Variants in CEP85 observed in about 807,000 individuals in gnomAD.
The protein encoded by CEP85 is centrosomal protein of 85 kDa.
A neutral mutation model predicts 93.7 loss-of-function variants in CEP85; 58 were observed. The observed-to-expected ratio is 0.62, with a 90% CI of 0.50 to 0.77. CEP85 has a LOEUF of 0.77. Among genes scored for constraint, CEP85 ranks in the 30% least tolerant of loss-of-function variants. The probability of loss-of-function intolerance (pLI) is 0.00; values close to 1 mark genes in which losing one functional copy is unlikely to be tolerated. For missense variants in CEP85, 868 were observed against 922.0 expected, an observed-to-expected ratio of 0.94 and a Z score of 0.76; for synonymous variants, 314 against 338.6, an observed-to-expected ratio of 0.93 and a Z score of 0.80.
chr1:26,237,880 A>G (rs1381326361), intron 1 of CEP85, among the ~76,000 whole-genome samples: 1 of 152,184 alleles, frequency 6.6e-6, no homozygotes, highest in Non-Finnish European at 1.5e-5. Flanking sequence ...GGAAATCACT[A>G]GTAAGGAGGT....
intron 3 of CEP85, among the ~76,000 whole-genome samples, chr1:26,253,321 T>TA (rs970566427): frequency 1.3e-5 from 2 of 152,106 alleles, no homozygotes; most frequent in African/African-American, 4.8e-5. Flanking sequence ...GTGGCTGTGT[T>TA]ACATTCCCCC....
At chr1:26,271,956 C>T in intron 10 of CEP85, 65 bp from the exon 11 acceptor site, 1 of 1,438,324 alleles carries the variant, frequency 7.0e-7, no homozygotes, top group Admixed American at 1.7e-5. Flanking sequence ...AGTGCAGCCC[C>T]CTTGCCCTCT....
At chr1:26,271,587 C>T (rs533866754) in intron 10 of CEP85, 1 of 176,630 alleles carries the variant, frequency 5.7e-6, no homozygotes, top group African/African-American at 2.4e-5. Context: ...TTTAGGGTCC[C>T]TTCTTGGATA....
rs1433936907 is a variant in CEP85 at position 26,268,593 on chromosome 1, T to C, written c.1452T>C (p.Ala484=). 6.2e-7 allele frequency: 1 copy of C among 1,613,754 alleles called. No individual in the cohort carries two copies. Among genetic ancestry groups the C allele is most frequent in the Non-Finnish European group, 8.5e-7 (1 of 1,179,818 alleles). The change falls in exon 8 of 14, where the codon GCT becomes GCC. Residue 484 remains alanine, a synonymous_variant. Coordinates refer to ENST00000451429, the MANE Select transcript of CEP85 (RefSeq NM_001319944.2). ...QRIETLERYL[A]DLPTLEDHQK... ...TTGAGACCTTGGAGCGCTACCTGGC[T>C]GACCTGCCCACACTGGAAGACCATC...
At chr1:26,249,206 T>G (rs1185111509) in intron 3 of CEP85, among the ~76,000 whole-genome samples, 2 of 151,952 alleles carry the variant, frequency 1.3e-5, no homozygotes, top group African/African-American at 2.4e-5. Flanking sequence ...CTCAGCCTTC[T>G]GAGTAGTTGG....
At chr1:26,268,309 T>G (rs929721782) in intron 7 of CEP85, among the ~76,000 whole-genome samples, 174 bp from the exon 8 acceptor site, 4 of 152,014 alleles carry the variant, frequency 2.6e-5, no homozygotes, top group African/African-American at 9.7e-5. Flanking sequence ...CATAGAAAAA[T>G]TAGCCTGCCG....
In CEP85 at chr1:26,243,277, T is replaced by C. The variant is rs149511858; in HGVS notation, c.56-889T>C. On this transcript the variant is annotated intron_variant, in intron 2 of 13. Coordinates refer to ENST00000451429, the MANE Select transcript of CEP85 (RefSeq NM_001319944.2). ...TGTTGCCCTAGGAATCATTTGGAAC[T>C]ATATGGTTATTTTCTGGTTTCACAG... Among the ~76,000 whole-genome samples the C allele has an allele frequency of 8.7e-3, 1,323 of 151,926 alleles. 9 individuals are homozygous for C. The highest frequency in any genetic ancestry group is 0.013 in the Non-Finnish European group (898 of 67,996).
At chr1:26,273,958 G>C (rs1006294094) in intron 11 of CEP85, among the ~76,000 whole-genome samples, 2 of 148,524 alleles carry the variant, frequency 1.3e-5, no homozygotes, top group Admixed American at 1.3e-4. Flanking sequence ...TGAATTTGTT[G>C]GAATTAGATG....
rs1276739995 is a variant in CEP85, at chr1:26,251,950, T to C, written c.209-3221T>C. 5.3e-5 allele frequency among the ~76,000 whole-genome samples: 8 copies of C among 152,024 alleles called. No homozygotes were observed. In the South Asian group the frequency reaches 1.2e-3, roughly 24 times the overall value. ...TGGAGGATTTAAAACATATTGCTTA[T>C]GGTTAAGCACGGTGGCTCATCCCTG... is the stretch of plus-strand genomic sequence containing the variant. On this transcript the variant is annotated intron_variant, in intron 3 of 13. Transcript: ENST00000451429.
At chr1:26,253,229 A>G (rs2089646433) in intron 3 of CEP85, among the ~76,000 whole-genome samples, 1 of 152,166 alleles carries the variant, frequency 6.6e-6, no homozygotes, top group Non-Finnish European at 1.5e-5. Flanking sequence ...TCGTTTGGAT[A>G]TATACCCAGA....
At chr1:26,274,689 T>C (rs1425714387) in intron 11 of CEP85, among the ~76,000 whole-genome samples, 1 of 152,076 alleles carries the variant, frequency 6.6e-6, no homozygotes, top group Non-Finnish European at 1.5e-5. Context: ...AGGCTGGCCA[T>C]GTGGAGGGTG....
Position 26,234,237 on chromosome 1 carries a change from C to G in CEP85, c.-96C>G, listed in dbSNP as rs1222322776. ...TTAGAGGAGCTGAGGGAGGGAACCA[C>G]CGCTCACCGCAGACGTGGTGGCTGC... On this transcript the variant is annotated 5_prime_UTR_variant, in exon 1 of 14. Coordinates refer to ENST00000451429, the MANE Select transcript of CEP85 (RefSeq NM_001319944.2). 6.6e-6 allele frequency: 1 copy of G among 152,272 alleles called. No individual in the cohort carries two copies. Among genetic ancestry groups the G allele is most frequent in the African/African-American group, 2.4e-5 (1 of 41,462 alleles). 9.4% of individuals were successfully genotyped at this position (152,272 alleles called of 1,614,324 possible). A position where few individuals can be genotyped will look rare whatever the true frequency, so the allele number is the denominator to read the frequency against.
rs577612086 is a variant in CEP85, at chr1:26,239,512, C to T, written c.-22-250C>T. On this transcript the variant is annotated intron_variant, in intron 1 of 13. Coordinates refer to ENST00000451429, the MANE Select transcript of CEP85 (RefSeq NM_001319944.2). Reference sequence around the variant, plus strand: ...GACTACAGATGTGTGCCACCATGCCCGGCCAATTTTTGTGTTTTTAGTAGA... The same window carrying T: ...GACTACAGATGTGTGCCACCATGCCTGGCCAATTTTTGTGTTTTTAGTAGA... Among the ~76,000 whole-genome samples, 11 of 151,710 alleles carry T rather than the reference C, an allele frequency of 7.3e-5. 1 individual carries two copies. Among genetic ancestry groups the T allele is most frequent in the South Asian group, 6.2e-4 (3 of 4,824 alleles).
At chr1:26,240,196 T>G (rs1294507225) in intron 2 of CEP85, among the ~76,000 whole-genome samples, 1 of 152,178 alleles carries the variant, frequency 6.6e-6, no homozygotes, top group Non-Finnish European at 1.5e-5. Context: ...CCCACAAAAA[T>G]AGGAATTCTG....
intron 7 of CEP85, among the ~76,000 whole-genome samples, chr1:26,268,244 G>A (rs1275442534): frequency 6.6e-6 from 1 of 152,214 alleles, no homozygotes; most frequent in Admixed American, 6.5e-5. Flanking sequence ...GATGGCTTGA[G>A]GCCAGGAATT....
At chr1:26,236,502 T>C (rs964923713) in intron 1 of CEP85, among the ~76,000 whole-genome samples, 1 of 152,176 alleles carries the variant, frequency 6.6e-6, no homozygotes, top group African/African-American at 2.4e-5. Flanking sequence ...TCCCAGGAAA[T>C]TTCTGTCTCC....
intron 7 of CEP85, among the ~76,000 whole-genome samples, chr1:26,260,326 ACTAAAAATGCAAAAATTAG>A (rs1368224481): frequency 6.6e-6 from 1 of 152,142 alleles, no homozygotes; most frequent in African/African-American, 2.4e-5. Context: ...CCCCGTCTCT[ACTAAAAATGCAAAAATTAG>A]CTGGGTGTGG....
At chr1:26,250,420 G>A (rs1427189748) in intron 3 of CEP85, among the ~76,000 whole-genome samples, 1 of 152,176 alleles carries the variant, frequency 6.6e-6, no homozygotes, top group Non-Finnish European at 1.5e-5. Flanking sequence ...GTTTCATCCT[G>A]AAACCATCCC....
chr1:26,275,872 G>A (rs2090046416), intron 12 of CEP85, among the ~76,000 whole-genome samples: 1 of 152,230 alleles, frequency 6.6e-6, no homozygotes, highest in Non-Finnish European at 1.5e-5. Flanking sequence ...GGGAAGGAAA[G>A]TGGATTAAGC....
Sources: gnomAD v4.1 joint callset for allele counts (sites outside exome capture counted in the v4.1 genomes callset) on GRCh38, gnomAD v4.1.1 for gene constraint, MANE v1.5 for transcripts, NCBI Gene and HGNC (gene_info 2026-07-23, HGNC 2026-07-21) for gene names.